SYN1: variants seen among roughly 807,000 people sequenced by gnomAD.
SYN1 encodes synapsin-1.
In SYN1, 8 loss-of-function variants were observed where a neutral mutation model predicts 44.6. The ratio of observed to expected loss-of-function variants is 0.18; its 90% confidence interval spans 0.11 to 0.32. The LOEUF (loss-of-function observed/expected upper bound fraction) is 0.32. Ranked by LOEUF, SYN1 falls within the 10% of genes least tolerant of loss-of-function variation. SYN1 has a pLI of 1.00. For missense variants in SYN1, 451 were observed against 639.4 expected (o/e 0.71, Z 3.18); for synonymous variants, 275 against 280.1 (o/e 0.98, Z 0.18).
At chrX:47,606,756 T>A (rs1238949688) in intron 3 of SYN1, among the ~76,000 whole-genome samples, 189 bp downstream of exon 3, 1 of 105,609 alleles carries the variant, frequency 9.5e-6, no homozygotes, top group African/African-American at 3.5e-5. Context: ...TATATATTTT[T>A]TTTTAAAGTC....
chrX:47,592,795 A>G (rs764747559), intron 5 of SYN1, among the ~76,000 whole-genome samples: 4 of 111,101 alleles, frequency 3.6e-5, no homozygotes, highest in Non-Finnish European at 7.6e-5. Context: ...CTTCTATTAT[A>G]CCTTCTATCT....
chrX:47,575,424 T>C, intron 9 of SYN1, 150 bp from the exon 10 acceptor site: 2 of 772,956 alleles, frequency 2.6e-6, no homozygotes, highest in Non-Finnish European at 1.9e-6. Flanking sequence ...GGCTTGTCTG[T>C]TCCAAGGTAC....
intron 5 of SYN1, chrX:47,585,579 G>A: frequency 8.3e-7 from 1 of 1,199,340 alleles, no homozygotes; most frequent in Non-Finnish European, 1.1e-6. Context: ...ATCACTACCT[G>A]CAGTTTTGTG....
At chrX:47,573,887 T>C in intron 12 of SYN1, 115 bp downstream of exon 12, 1 of 698,185 alleles carries the variant, frequency 1.4e-6, no homozygotes, top group Non-Finnish European at 1.9e-6. Flanking sequence ...AGAGAGTTCG[T>C]GGGACCCCTG....
intron 5 of SYN1, among the ~76,000 whole-genome samples, chrX:47,591,122 C>T (rs1202929994): frequency 8.9e-6 from 1 of 111,855 alleles, no homozygotes; most frequent in Non-Finnish European, 1.9e-5. Context: ...TAGGCTCAAG[C>T]GATCCTCCCA....
chrX:47,596,271 G>A (rs1254234658), intron 5 of SYN1, among the ~76,000 whole-genome samples: 6 of 112,523 alleles, frequency 5.3e-5, no homozygotes, highest in Non-Finnish European at 1.1e-4. Context: ...GTTTAACACA[G>A]CAGTGATAAC....
chrX:47,589,501 C>T (rs1457352813), intron 5 of SYN1, among the ~76,000 whole-genome samples: 1 of 103,353 alleles, frequency 9.7e-6, no homozygotes, highest in Non-Finnish European at 2.0e-5. Flanking sequence ...ACTCGAGAGG[C>T]AGGAGAATGG....
At chrX:47,573,103 T>C in intron 12 of SYN1, 104 bp from the exon 13 acceptor site, 1 of 1,045,412 alleles carries the variant, frequency 9.6e-7, no homozygotes, top group Non-Finnish European at 1.3e-6. Flanking sequence ...GCCCTGCCCC[T>C]CTGATCCTGG....
intron 5 of SYN1, among the ~76,000 whole-genome samples, chrX:47,578,891 T>C (rs1469606923): frequency 1.8e-5 from 2 of 111,475 alleles, no homozygotes; most frequent in Non-Finnish European, 3.8e-5. Flanking sequence ...CCCTTCCTCA[T>C]TTCCCAAATG....
intron 5 of SYN1, among the ~76,000 whole-genome samples, chrX:47,588,612 A>G (rs921123301): frequency 1.7e-4 from 19 of 112,228 alleles, no homozygotes; most frequent in African/African-American, 6.2e-4. Context: ...AGACGAGGCT[A>G]CCTCCACCAG....
intron 12 of SYN1, 37 bp from the exon 13 acceptor site, chrX:47,573,036 G>T (rs1278452300): frequency 8.3e-7 from 1 of 1,205,570 alleles, no homozygotes; most frequent in African/African-American, 1.7e-5. Context: ...GGAGGAAGGG[G>T]GAAGAGGAAG....
intron 3 of SYN1, among the ~76,000 whole-genome samples, chrX:47,606,563 T>C (rs1333184588): frequency 9.3e-6 from 1 of 107,886 alleles, no homozygotes; most frequent in Non-Finnish European, 1.9e-5. Flanking sequence ...CCCCCATCTC[T>C]ACAAAAAACA....
chrX:47,601,177 G>A (rs1024810358), intron 5 of SYN1, among the ~76,000 whole-genome samples: 3 of 111,406 alleles, frequency 2.7e-5, no homozygotes, highest in East Asian at 5.6e-4. Flanking sequence ...ACTAAAATCA[G>A]GAATGAAAGA....
intron 5 of SYN1, among the ~76,000 whole-genome samples, chrX:47,592,636 G>A (rs1045999903): frequency 9.0e-6 from 1 of 111,099 alleles, no homozygotes; most frequent in African/African-American, 3.3e-5. Flanking sequence ...CATTCTACCC[G>A]AGAACAAGGA....
chrX:47,596,545 G>A (rs2057864121), intron 5 of SYN1, among the ~76,000 whole-genome samples: 1 of 112,379 alleles, frequency 8.9e-6, no homozygotes, highest in African/African-American at 3.2e-5. Context: ...CATGCACATA[G>A]AGCCCATCAG....
At chrX:47,582,744 C>T (rs1569324916) in intron 5 of SYN1, among the ~76,000 whole-genome samples, 3 of 85,974 alleles carry the variant, frequency 3.5e-5, no homozygotes, top group Admixed American at 2.9e-4. Flanking sequence ...TTTCCAAATC[C>T]CCCCGCAAAT....
chrX:47,612,676 C>T (rs1278107130), intron 1 of SYN1, among the ~76,000 whole-genome samples: 1 of 111,916 alleles, frequency 8.9e-6, no homozygotes. Context: ...CTCCTTTGTG[C>T]AGAAAGAGAA....
In SYN1 at chrX:47,608,359, T is replaced by C. The variant is rs754982307; in HGVS notation, c.378-1161A>G. Among the ~76,000 whole-genome samples, 9 of 111,177 alleles carry C rather than the reference T, an allele frequency of 8.1e-5. No homozygotes were observed. In the East Asian group the frequency reaches 2.6e-3, roughly 32 times the overall value. ...ACTACATTTCTCTGAAGCGTGCCTGTTTTTGTGTATTTTTTAGTGCCTGTG... is the reference window on the plus strand; with the variant it reads ...ACTACATTTCTCTGAAGCGTGCCTGCTTTTGTGTATTTTTTAGTGCCTGTG... On this transcript the variant is annotated intron_variant, in intron 1 of 12. Coordinates refer to ENST00000295987, the MANE Select transcript of SYN1 (RefSeq NM_006950.3).
chrX:47,595,202 C>T (rs1252325223), intron 5 of SYN1, among the ~76,000 whole-genome samples: 1 of 111,787 alleles, frequency 8.9e-6, no homozygotes, highest in Non-Finnish European at 1.9e-5. Context: ...ATGCTTCGTC[C>T]TCTGCATCTC....
Sources: allele counts gnomAD v4.1 joint callset (sites outside exome capture counted in the v4.1 genomes callset), GRCh38; gene constraint gnomAD v4.1.1; transcripts MANE v1.5; gene names NCBI Gene and HGNC (gene_info 2026-07-23, HGNC 2026-07-21).